The following FAM193B variants were observed in gnomAD, a reference collection of about 807,000 sequenced individuals.
FAM193B encodes family with sequence similarity 193 member B.
A neutral mutation model predicts 70.7 loss-of-function variants in FAM193B; 27 were observed. The ratio of observed to expected loss-of-function variants is 0.38; its 90% CI spans 0.28 to 0.53. FAM193B has a LOEUF of 0.53. Ranked by LOEUF, FAM193B falls within the 20% of genes least tolerant of loss-of-function variation. The pLI is 0.81. For missense variants in FAM193B, 1,022 were observed against 1,072.5 expected, an observed-to-expected ratio of 0.95 and a Z score of 0.66; for synonymous variants, 448 against 436.0, an observed-to-expected ratio of 1.03 and a Z score of -0.34.
rs548000397 is a variant in FAM193B at position 177,538,033 on chromosome 5, T to G, written c.528A>C (p.Ser176=). 44 of 1,554,086 alleles carry G rather than the reference T, an allele frequency of 2.8e-5. No homozygotes were observed. Among genetic ancestry groups the G allele is most frequent in the Non-Finnish European group, 3.5e-5 (40 of 1,148,316 alleles). ...AAGAGGAGGACGAGGATGAGGATGA[T>G]GAGGAGGAAGACGAGGACGAATGAG... ...DDSHSSSSSS[S]SSSSSSSSSC... Residue 176 remains serine, a synonymous_variant, in exon 3 of 9, where the codon TCA becomes TCC. Coordinates refer to ENST00000514747, the MANE Select transcript of FAM193B (RefSeq NM_001190946.3). The surrounding 1 kb of genome is among the most constrained non-coding windows in gnomAD (Gnocchi z 4.1).
rs1008954086 is a variant in FAM193B, at chr5:177,532,869, G to A, written c.1077-228C>T. ...GGCTCTTCTGGAAAGGTTTCCCCAC[G>A]CCTCCCCTGCCTGCACCCACCATGC... is the stretch of plus-strand genomic sequence containing the variant. On this transcript the variant is annotated intron_variant, in intron 4 of 8. Coordinates refer to ENST00000514747, the MANE Select transcript of FAM193B (RefSeq NM_001190946.3). The surrounding 1 kb of genome is among the most constrained non-coding windows in gnomAD (Gnocchi z 4.9). Among the ~76,000 whole-genome samples the A allele has an allele frequency of 1.3e-5, 2 of 152,110 alleles. No homozygotes were observed. The highest frequency in any genetic ancestry group is 1.5e-5 in the Non-Finnish European group (1 of 68,036).
intron 1 of FAM193B, among the ~76,000 whole-genome samples, chr5:177,552,578 G>A (rs1007688412): frequency 6.6e-6 from 1 of 152,254 alleles, no homozygotes; most frequent in Non-Finnish European, 1.5e-5. Context: ...GAAGACAACA[G>A]CTTTCCAGCT....
rs1002298012 is a variant in FAM193B, at chr5:177,554,542, C to T, written c.-84G>A. On this transcript the variant is annotated 5_prime_UTR_variant, in exon 1 of 9. Coordinates refer to ENST00000514747, the MANE Select transcript of FAM193B (RefSeq NM_001190946.3). Reference sequence around the variant, plus strand: ...CGCCGCCGCCGCCGCTACCGCTCCCCTCACAGGACAACAGCCAATATGGCG... The same window carrying T: ...CGCCGCCGCCGCCGCTACCGCTCCCTTCACAGGACAACAGCCAATATGGCG... 5.7e-6 allele frequency: 4 copies of T among 698,550 alleles called. No individual in the cohort carries two copies. The highest frequency in any genetic ancestry group is 2.2e-5 in the African/African-American group (1 of 45,728). The allele number at this position is 698,550 out of a possible 1,614,324, so 43.3% of individuals were successfully genotyped here.
At position 177,532,075 on chromosome 5, in the gene FAM193B, G is replaced by A. The variant is rs1397438796; in HGVS notation, c.1275+368C>T. On this transcript the variant is annotated intron_variant, in intron 5 of 8. Transcript: ENST00000514747. This position sits in a 1 kb window ranked among gnomAD's most constrained non-coding sequence, Gnocchi z 4.9. Reference sequence around the variant, plus strand: ...CCCTCGGCTGGCTGTCACACTTGGGGGACTGAGAGCCTTTTTGCTTCCACT... The same window carrying A: ...CCCTCGGCTGGCTGTCACACTTGGGAGACTGAGAGCCTTTTTGCTTCCACT... 1.5e-6 allele frequency: 2 copies of A among 1,297,978 alleles called. No homozygotes were observed. The highest frequency in any genetic ancestry group is 1.0e-6 in the Non-Finnish European group (1 of 995,024). The allele number at this position is 1,297,978 out of a possible 1,614,324, so 80.4% of individuals were successfully genotyped here.
rs1449119802 is a variant in FAM193B at position 177,524,598 on chromosome 5, A to T, written c.1883T>A (p.Val628Glu). 3.7e-6 allele frequency: 6 copies of T among 1,611,570 alleles called. No homozygotes were observed. Among genetic ancestry groups the T allele is most frequent in the Non-Finnish European group, 5.1e-6 (6 of 1,179,018 alleles). ...PSCKQELPEP[V>E]SSGGKPQKGK... ...CTTCTGTGGCTTCCCACCTGAGGAC[A>T]CAGGCTCAGGCAGCTCCTGCTTGCA... The change falls in exon 6 of 9, where the codon GTG (valine) becomes GAG (glutamate). Residue 628 changes from valine to glutamate, a missense_variant. Coordinates refer to ENST00000514747, the MANE Select transcript of FAM193B (RefSeq NM_001190946.3).
chr5:177,548,873 G>T (rs1328143602), intron 1 of FAM193B, among the ~76,000 whole-genome samples: 3 of 152,184 alleles, frequency 2.0e-5, no homozygotes, highest in African/African-American at 4.8e-5. Flanking sequence ...ACCTCTTGGT[G>T]TGGTTTTCAA....
chr5:177,525,175 C>A lies in FAM193B; in HGVS notation c.1306G>T (p.Ala436Ser). The change falls in exon 6 of 9, where the codon GCT becomes TCT. Residue 436 changes from alanine (A) to serine (S), a missense_variant. Ala to Ser is a moderately conservative substitution (Grantham distance 99, BLOSUM62 1). Coordinates refer to ENST00000514747, the MANE Select transcript of FAM193B (RefSeq NM_001190946.3). ...GAAACACGATTTGCCTGCTTTAGAG[C>A]TTCTGCTGCCAACTGGGCCTTCTCC... Reference protein sequence around the residue: ...EKEKAQLAAEALKQANRVSGS... With the variant: ...EKEKAQLAAESLKQANRVSGS... 1 of 1,481,568 alleles carries A rather than the reference C, an allele frequency of 6.7e-7. No individual in the cohort carries two copies. The highest frequency in any genetic ancestry group is 9.0e-7 in the Non-Finnish European group (1 of 1,114,196). The allele number at this position is 1,481,568 out of a possible 1,614,324, so 91.8% of individuals were successfully genotyped here. A position where few individuals can be genotyped will look rare whatever the true frequency, so the allele number is the denominator to read the frequency against.
In FAM193B at chr5:177,524,476, C is replaced by A. The variant is rs750861205; in HGVS notation, c.2005G>T (p.Ala669Ser). The A allele has an allele frequency of 3.1e-6, 5 of 1,612,008 alleles. No homozygotes were observed. The highest frequency in any genetic ancestry group is 4.2e-6 in the Non-Finnish European group (5 of 1,179,266). ...LEVPSAKGQV[A>S]GPKQPGRVLE... is the part of the protein sequence containing the mutation. Reference sequence around the variant, plus strand: ...ACCCTGCCTGGCTGCTTGGGGCCAGCGACCTGGCCCTTGGCACTGGGAACC... The same window carrying A: ...ACCCTGCCTGGCTGCTTGGGGCCAGAGACCTGGCCCTTGGCACTGGGAACC... Residue 669 changes from alanine (A) to serine (S), a missense_variant, in exon 6 of 9, where the codon GCT (alanine) becomes TCT (serine). By Grantham distance (99) the Ala-to-Ser change is moderately conservative. Coordinates refer to ENST00000514747, the MANE Select transcript of FAM193B (RefSeq NM_001190946.3).
At chr5:177,554,202 G>A (rs1766733441) in intron 1 of FAM193B, 47 bp downstream of exon 1, 5 of 1,486,372 alleles carry the variant, frequency 3.4e-6, no homozygotes, top group East Asian at 2.8e-5. Context: ...CCCGCTCGGG[G>A]AAGGTGAAAG....
chr5:177,527,692 C>T (rs1291449068), intron 5 of FAM193B, among the ~76,000 whole-genome samples: 1 of 152,216 alleles, frequency 6.6e-6, no homozygotes, highest in Non-Finnish European at 1.5e-5. Flanking sequence ...TGCCCAATGT[C>T]ATACAGCAAG....
In FAM193B at chr5:177,532,598, C is replaced by T; in HGVS notation, c.1120G>A (p.Ala374Thr). 3 of 1,590,860 alleles carry T rather than the reference C, an allele frequency of 1.9e-6. No individual in the cohort carries two copies. Among genetic ancestry groups the T allele is most frequent in the Non-Finnish European group, 2.6e-6 (3 of 1,172,654 alleles). ...KGHKFAHSGL[A>T]CQLPQPCEAD... ...TCGCAGGGCTGGGGCAGCTGGCAAG[C>T]CAGGCCACTGTGTGCAAACTTGTGC... Residue 374 changes from alanine to threonine, a missense_variant, in exon 5 of 9, where the codon GCT becomes ACT. Ala to Thr is a moderately conservative substitution (Grantham distance 58). Transcript: ENST00000514747. The surrounding 1 kb of genome is among the most constrained non-coding windows in gnomAD (Gnocchi z 4.9).
chr5:177,520,404 G>T (rs1761538922), intron 8 of FAM193B, among the ~76,000 whole-genome samples: 1 of 152,252 alleles, frequency 6.6e-6, no homozygotes, highest in Admixed American at 6.5e-5. Context: ...GACAAGGTGG[G>T]GGACAATCCT....
At position 177,524,098 on chromosome 5, in the gene FAM193B, C is replaced by T. The variant is rs1010805067; in HGVS notation, c.2297-66G>A. Reference sequence around the variant, plus strand: ...GGCCTTTGGGGTTATGCTCTGGGGGCAGCGCTGTCTACACACAAAGGCTGC... The same window carrying T: ...GGCCTTTGGGGTTATGCTCTGGGGGTAGCGCTGTCTACACACAAAGGCTGC... On this transcript the variant is annotated intron_variant, in intron 6 of 8. Coordinates refer to ENST00000514747, the MANE Select transcript of FAM193B (RefSeq NM_001190946.3). 3.1e-6 allele frequency: 5 copies of T among 1,612,530 alleles called. No individual in the cohort carries two copies. The East Asian group carries it at 8.9e-5, about 29-fold the overall frequency.
Position 177,524,245 on chromosome 5 carries a change from G to A in FAM193B, c.2236C>T (p.Gln746Ter), listed in dbSNP as rs1581838902. 6.4e-7 allele frequency: 1 copy of A among 1,554,766 alleles called. No homozygotes were observed. Residue 746 changes from glutamine to a stop codon, truncating the protein, a stop_gained, in exon 6 of 9, where the codon CAG (glutamine) becomes TAG (stop). Coordinates refer to ENST00000514747, the MANE Select transcript of FAM193B (RefSeq NM_001190946.3). LOFTEE classifies it high-confidence loss of function. ...SGPARPQSLP[Q>*]GKGRSRRSRN... ...CTCCGGCGGCTGCGGCCCTTGCCCT[G>A]GGGCAAGCTCTGTGGCCTTGCTGGG...
chr5:177,533,845 C>G (rs552264528), intron 4 of FAM193B, among the ~76,000 whole-genome samples: 6 of 152,230 alleles, frequency 3.9e-5, no homozygotes, highest in Non-Finnish European at 7.3e-5. Context: ...GTGGGGAACT[C>G]AAGCCCACGT....
intron 1 of FAM193B, among the ~76,000 whole-genome samples, chr5:177,549,317 A>T (rs913665075): frequency 6.6e-6 from 1 of 150,990 alleles, no homozygotes; most frequent in Non-Finnish European, 1.5e-5. Flanking sequence ...CTCAGCCTCC[A>T]AAGTAGCTGG....
chr5:177,531,533 GGGGA>G, intron 5 of FAM193B: 1 of 1,284,562 alleles, frequency 7.8e-7, no homozygotes, highest in Non-Finnish European at 1.0e-6. Flanking sequence ...TGGGGGTGGG[GGGGA>G]GGTGCTGACA....
rs536608979 is a variant in FAM193B at position 177,523,095 on chromosome 5, G to A, written c.2372+862C>T. 310 of 214,428 alleles carry A rather than the reference G, an allele frequency of 1.4e-3. 1 individual carries two copies. The highest frequency in any genetic ancestry group is 6.6e-3 in the African/African-American group (281 of 42,480). The allele number at this position is 214,428 out of a possible 1,614,324, so 13.3% of individuals were successfully genotyped here. A position where few individuals can be genotyped will look rare whatever the true frequency, so the allele number is the denominator to read the frequency against. On this transcript the variant is annotated intron_variant, in intron 7 of 8. Coordinates refer to ENST00000514747, the MANE Select transcript of FAM193B (RefSeq NM_001190946.3). ...GCTCACTGCAGCCTCCACCTCCCAG[G>A]TTCCAGCGATTCTCCTGCCTCAGCC...
At chr5:177,547,286 C>CTTTTTTTTTTTTTTTTTT in intron 1 of FAM193B, 1 of 89,412 alleles carries the variant, frequency 1.1e-5, no homozygotes, top group Non-Finnish European at 2.0e-5. Flanking sequence ...AAATTTATTT[C>CTTTTTTTTTTTTTTTTTT]TTTTTTTTTT....
Sources: gnomAD v4.1 joint callset for allele counts (sites outside exome capture counted in the v4.1 genomes callset) on GRCh38, gnomAD v4.1.1 for gene constraint, Gnocchi (gnomAD v3.1) non-coding constraint, MANE v1.5 for transcripts, NCBI Gene and HGNC (gene_info 2026-07-23, HGNC 2026-07-21) for gene names.